PDE7B: variants seen among roughly 807,000 people sequenced by gnomAD.
The protein encoded by PDE7B is 3',5'-cyclic-AMP phosphodiesterase 7B.
A neutral mutation model predicts 56.2 loss-of-function variants in PDE7B; 29 were observed. The ratio of observed to expected loss-of-function variants is 0.52; its 90% CI spans 0.38 to 0.70. PDE7B has a LOEUF of 0.70. Among genes scored for constraint, PDE7B ranks in the 30% least tolerant of loss-of-function variants. The probability of loss-of-function intolerance (pLI) is 0.00; values close to 1 mark genes in which losing one functional copy is unlikely to be tolerated. For missense variants in PDE7B, 490 were observed against 565.0 expected, an observed-to-expected ratio of 0.87 and a Z score of 1.35; for synonymous variants, 197 against 196.9, an observed-to-expected ratio of 1.00 and a Z score of 0.00.
chr6:135,982,154 G>C (rs967381177), intron 2 of PDE7B, among the ~76,000 whole-genome samples: 1 of 152,060 alleles, frequency 6.6e-6, no homozygotes, highest in Non-Finnish European at 1.5e-5. Context: ...ACCCATGTTT[G>C]TTAAGAACTC....
chr6:136,134,178 A>G (rs920481362), intron 3 of PDE7B, among the ~76,000 whole-genome samples: 1 of 152,130 alleles, frequency 6.6e-6, no homozygotes, highest in African/African-American at 2.4e-5. Context: ...TTAATCCAAT[A>G]TCCTGGGACA....
intron 3 of PDE7B, among the ~76,000 whole-genome samples, chr6:136,129,701 G>A (rs940936498): frequency 7.9e-5 from 12 of 152,232 alleles, no homozygotes; most frequent in Non-Finnish European, 1.2e-4. Context: ...AGGGAAGGGT[G>A]AGCTGTTGAG....
At chr6:136,173,720 C>G (rs536115167) in intron 8 of PDE7B, 77 bp from the exon 9 acceptor site, 4 of 957,686 alleles carry the variant, frequency 4.2e-6, no homozygotes, top group Non-Finnish European at 6.7e-6. Flanking sequence ...TGCTAGCGTC[C>G]GTGGAGCTGT....
intron 3 of PDE7B, among the ~76,000 whole-genome samples, chr6:136,137,060 G>A (rs1294645214): frequency 1.3e-5 from 2 of 152,032 alleles, no homozygotes; most frequent in Non-Finnish European, 2.9e-5. Context: ...GGGTGTAATA[G>A]TTGTTCACCA....
At chr6:136,110,154 A>G (rs893535901) in intron 3 of PDE7B, among the ~76,000 whole-genome samples, 1 of 152,072 alleles carries the variant, frequency 6.6e-6, no homozygotes, top group Non-Finnish European at 1.5e-5. Flanking sequence ...ACTTGGAGTA[A>G]TTCTTTCCAC....
At chr6:136,128,465 C>G (rs1233323202) in intron 3 of PDE7B, among the ~76,000 whole-genome samples, 1 of 152,056 alleles carries the variant, frequency 6.6e-6, no homozygotes, top group Admixed American at 6.5e-5. Context: ...TACTGAGTGT[C>G]TTAATCTTTT....
At position 136,191,610 on chromosome 6, in the gene PDE7B, C is replaced by T. The variant is rs1475041451; in HGVS notation, c.1127-4C>T. ...GATGCTGAGCCTTGACTTGCCTGTT[C>T]TAGGTTTCATGAGCTACATCGTGGA... On this transcript the variant is annotated splice_region_variant and splice_polypyrimidine_tract_variant and intron_variant, in intron 12 of 12. Coordinates refer to ENST00000308191, the MANE Select transcript of PDE7B (RefSeq NM_018945.4). 1.2e-6 allele frequency: 2 copies of T among 1,612,866 alleles called. No individual in the cohort carries two copies. The highest frequency in any genetic ancestry group is 3.3e-5 in the Admixed American group (2 of 60,018).
chr6:136,113,867 G>A (rs1287855815), intron 3 of PDE7B, among the ~76,000 whole-genome samples: 1 of 152,174 alleles, frequency 6.6e-6, no homozygotes, highest in Non-Finnish European at 1.5e-5. Flanking sequence ...AATATAATCA[G>A]CAGCCTGAGT....
intron 1 of PDE7B, among the ~76,000 whole-genome samples, chr6:135,934,314 TATAG>T (rs1774350005): frequency 2.6e-5 from 4 of 152,160 alleles, no homozygotes; most frequent in Admixed American, 2.0e-4. Flanking sequence ...TGAGATAGAA[TATAG>T]GTATTCCCTC....
chr6:136,138,533 C>T (rs1451807814), intron 3 of PDE7B, among the ~76,000 whole-genome samples: 1 of 151,978 alleles, frequency 6.6e-6, no homozygotes, highest in East Asian at 1.9e-4. Flanking sequence ...TGGATTGTTG[C>T]ACGTTCTTCC....
At chr6:135,891,609 A>G (rs1775811404) in intron 1 of PDE7B, among the ~76,000 whole-genome samples, 1 of 152,196 alleles carries the variant, frequency 6.6e-6, no homozygotes, top group Non-Finnish European at 1.5e-5. Flanking sequence ...TCATCTGAAC[A>G]CAGTGTTTCA....
At chr6:136,124,689 T>C (rs984287635) in intron 3 of PDE7B, among the ~76,000 whole-genome samples, 3 of 152,240 alleles carry the variant, frequency 2.0e-5, no homozygotes, top group African/African-American at 7.2e-5. Flanking sequence ...TATATCCTAG[T>C]CCCCAGAACA....
chr6:135,852,153 C>A, intron 1 of PDE7B, 134 bp downstream of exon 1: 1 of 695,540 alleles, frequency 1.4e-6, no homozygotes, highest in South Asian at 1.7e-5. Context: ...CTACAGCAAC[C>A]AGCTTTTGAA....
chr6:136,180,199 A>T (rs1055760979), intron 10 of PDE7B, among the ~76,000 whole-genome samples: 1 of 152,162 alleles, frequency 6.6e-6, no homozygotes, highest in Admixed American at 6.5e-5. Context: ...CCCTACTCCC[A>T]GCAGTAGAAC....
chr6:136,081,526 CAG>C (rs1357597104), intron 2 of PDE7B, among the ~76,000 whole-genome samples: 1 of 152,134 alleles, frequency 6.6e-6, no homozygotes, highest in African/African-American at 2.4e-5. Context: ...ATTCCTAAGA[CAG>C]GAAAAAGAGG....
intron 1 of PDE7B, among the ~76,000 whole-genome samples, chr6:135,910,765 A>G (rs1324768702): frequency 6.6e-6 from 1 of 151,944 alleles, no homozygotes; most frequent in Non-Finnish European, 1.5e-5. Flanking sequence ...GGCTCCACCC[A>G]CTACCTTCAC....
intron 2 of PDE7B, chr6:136,037,546 C>T: frequency 1.0e-6 from 1 of 985,440 alleles, no homozygotes. Flanking sequence ...AAGGTGCCCC[C>T]CAACCCCCAT....
At chr6:135,871,208 CATT>C (rs1225983517) in intron 1 of PDE7B, among the ~76,000 whole-genome samples, 2 of 152,120 alleles carry the variant, frequency 1.3e-5, no homozygotes, top group Non-Finnish European at 2.9e-5. Context: ...TAAATTGTGT[CATT>C]ATTATATATT....
chr6:135,867,997 A>G (rs1775296391), intron 1 of PDE7B, among the ~76,000 whole-genome samples: 1 of 152,200 alleles, frequency 6.6e-6, no homozygotes, highest in Admixed American at 6.6e-5. Context: ...TAAATTTTTC[A>G]AAGCTCATTT....
Sources: gnomAD v4.1 joint callset for allele counts (sites outside exome capture counted in the v4.1 genomes callset) on GRCh38, gnomAD v4.1.1 for gene constraint, MANE v1.5 for transcripts, NCBI Gene and HGNC (gene_info 2026-07-23, HGNC 2026-07-21) for gene names.